The following UQCRC2 variants were observed in gnomAD, a reference collection of about 807,000 sequenced individuals.
UQCRC2 encodes the protein cytochrome b-c1 complex subunit 2, mitochondrial.
A neutral mutation model predicts 55.6 loss-of-function variants in UQCRC2; 49 were observed. The observed-to-expected ratio is 0.88, with a 90% CI of 0.70 to 1.12. The LOEUF (loss-of-function observed/expected upper bound fraction) is 1.12, where lower values mean the gene tolerates loss of function less well. Among genes scored for constraint, UQCRC2 ranks in the 50% most tolerant of loss-of-function variants. The probability of loss-of-function intolerance (pLI) is 0.00; values close to 1 mark genes in which losing one functional copy is unlikely to be tolerated. For missense variants in UQCRC2, 506 were observed against 547.8 expected, an observed-to-expected ratio of 0.92 and a Z score of 0.76; for synonymous variants, 193 against 192.0, an observed-to-expected ratio of 1.01 and a Z score of -0.04.
At chr16:21,971,006 G>A (rs1898446504) in intron 8 of UQCRC2, among the ~76,000 whole-genome samples, 1 of 151,914 alleles carries the variant, frequency 6.6e-6, no homozygotes, top group Non-Finnish European at 1.5e-5. Context: ...TATATTATCT[G>A]CAAATATTTT....
chr16:21,981,518 C>T (rs1898727652), intron 13 of UQCRC2, among the ~76,000 whole-genome samples: 1 of 152,094 alleles, frequency 6.6e-6, no homozygotes, highest in Non-Finnish European at 1.5e-5. Flanking sequence ...CTTTGGAAGG[C>T]TGAGGTGGGC....
intron 1 of UQCRC2, among the ~76,000 whole-genome samples, chr16:21,955,221 A>G (rs765379593): frequency 1.1e-4 from 16 of 152,222 alleles, no homozygotes; most frequent in Non-Finnish European, 1.9e-4. Flanking sequence ...ATAGGCCAAA[A>G]TTACAAAGAA....
chr16:21,960,309 T>G (rs1309873171), intron 4 of UQCRC2, among the ~76,000 whole-genome samples: 4 of 152,258 alleles, frequency 2.6e-5, no homozygotes, highest in Non-Finnish European at 2.9e-5. Flanking sequence ...GAAGATGGCT[T>G]CTTTCCTTAA....
rs201311122 is a variant in UQCRC2, at chr16:21,962,894, A to G, written c.514+9A>G. The G allele has an allele frequency of 8.1e-6, 13 of 1,612,484 alleles. No individual in the cohort carries two copies. In the Admixed American group the frequency reaches 2.0e-4, roughly 25 times the overall value. On this transcript the variant is annotated intron_variant, in intron 6 of 13. Coordinates refer to ENST00000268379, the MANE Select transcript of UQCRC2 (RefSeq NM_003366.4). ...TCAGAATCCGCAGACTCGTAAGTAC[A>G]TTTCCAGATCACATTTGATTCTAAG...
At chr16:21,954,509 A>C (rs572069428) in intron 1 of UQCRC2, among the ~76,000 whole-genome samples, 1 of 152,344 alleles carries the variant, frequency 6.6e-6, no homozygotes, top group East Asian at 1.9e-4. Context: ...TTAGATTGGC[A>C]AAAGACCCCA....
rs74938583 is a variant in UQCRC2, at chr16:21,967,258, G to A, written c.613-1370G>A. Among the ~76,000 whole-genome samples, 17 of 152,180 alleles carry A rather than the reference G, an allele frequency of 1.1e-4. No homozygotes were observed. The East Asian group carries it at 2.7e-3, about 24-fold the overall frequency. On this transcript the variant is annotated intron_variant, in intron 7 of 13. Transcript: ENST00000268379. ...ACAGACACCATTCATTTTAGGGCAC[G>A]GATTATGATAAATTGATTAAAAGTT...
At chr16:21,973,857 TG>T in intron 10 of UQCRC2, 38 bp from the exon 11 acceptor site, 1 of 1,587,002 alleles carries the variant, frequency 6.3e-7, no homozygotes, top group Non-Finnish European at 8.6e-7. Flanking sequence ...CTGTTTTACT[TG>T]GTAGAATATC....
At chr16:21,981,549 T>C (rs936546755) in intron 13 of UQCRC2, among the ~76,000 whole-genome samples, 18 of 150,576 alleles carry the variant, frequency 1.2e-4, no homozygotes, top group African/African-American at 3.4e-4. Flanking sequence ...AGCCCAGGAG[T>C]TCAATACCAG....
At chr16:21,976,701 AAACAAAC>A (rs1898593528) in intron 12 of UQCRC2, 1 of 152,964 alleles carries the variant, frequency 6.5e-6, no homozygotes, top group African/African-American at 2.4e-5. Context: ...TCATCCAGCC[AAACAAAC>A]ATAAGTCAAA....
At chr16:21,953,583 G>A (rs930744677) in intron 1 of UQCRC2, 127 bp downstream of exon 1, 3 of 1,190,856 alleles carry the variant, frequency 2.5e-6, no homozygotes, top group Non-Finnish European at 3.5e-6. Flanking sequence ...TGAACCCTGC[G>A]GGCCAAGTGG....
intron 7 of UQCRC2, among the ~76,000 whole-genome samples, chr16:21,966,598 G>A (rs941408932): frequency 7.9e-5 from 12 of 152,146 alleles, no homozygotes; most frequent in Admixed American, 6.5e-4. Flanking sequence ...AAACTAAACT[G>A]TATCCCTTGC....
intron 4 of UQCRC2, chr16:21,959,755 T>G (rs564014197): frequency 6.6e-6 from 1 of 152,354 alleles, no homozygotes; most frequent in Non-Finnish European, 1.5e-5. Flanking sequence ...ATAATAAGAC[T>G]TGAAAATAAA....
intron 6 of UQCRC2, 82 bp from the exon 7 acceptor site, chr16:21,965,326 A>G: frequency 3.0e-6 from 4 of 1,334,176 alleles, no homozygotes; most frequent in Non-Finnish European, 4.2e-6. Flanking sequence ...AAATTTGTAT[A>G]GGCTTGTTGC....
chr16:21,976,259 A>G lies in UQCRC2; in HGVS notation c.1124+16A>G. On this transcript the variant is annotated intron_variant, in intron 12 of 13. Transcript: ENST00000268379. ...AAGCTGCCAAGTAAGTCTCAGTATT[A>G]ACTGTGTTTTATGTTTTTGTTATTT... 1 of 1,592,698 alleles carries G rather than the reference A, an allele frequency of 6.3e-7. No individual in the cohort carries two copies. Among genetic ancestry groups the G allele is most frequent in the Non-Finnish European group, 8.6e-7 (1 of 1,160,930 alleles).
At position 21,962,959 on chromosome 16, in the gene UQCRC2, A is replaced by C. The variant is rs1421277669; in HGVS notation, c.514+74A>C. 2.2e-5 allele frequency: 33 copies of C among 1,506,572 alleles called. 2 individuals are homozygous for C. In the South Asian group the frequency reaches 3.2e-4, roughly 14 times the overall value. 93.3% of individuals were successfully genotyped at this position (1,506,572 alleles called of 1,614,324 possible). On this transcript the variant is annotated intron_variant, in intron 6 of 13. Transcript: ENST00000268379. ...AGAAGATCAATTTATAGAAGAAAAA[A>C]AATTGCTGTCAAAATTTTTATTTTT...
Position 21,972,021 on chromosome 16 carries a change from C to A in UQCRC2, c.865C>A (p.Leu289Ile). The change falls in exon 10 of 14, where the codon CTT becomes ATT. Residue 289 changes from leucine to isoleucine, a missense_variant. Leu to Ile is a conservative substitution (Grantham distance 5). Transcript: ENST00000268379. ...GSAEANAFSV[L>I]QHVLGAGPHV... ...TGCAGAGGCAAATGCATTTAGTGTT[C>A]TTCAGCATGTCCTCGGTGCTGGGCC... 1 of 1,614,146 alleles carries A rather than the reference C, an allele frequency of 6.2e-7. No individual in the cohort carries two copies. Among genetic ancestry groups the A allele is most frequent in the African/African-American group, 1.3e-5 (1 of 75,026 alleles).
At position 21,980,680 on chromosome 16, in the gene UQCRC2, G is replaced by T. The variant is rs1898702115; in HGVS notation, c.1258G>T (p.Ala420Ser). The change falls in exon 13 of 14, where the codon GCT (alanine) becomes TCT (serine). Residue 420 changes from alanine to serine, a missense_variant. By Grantham distance (99) the Ala-to-Ser change is moderately conservative. Coordinates refer to ENST00000268379, the MANE Select transcript of UQCRC2 (RefSeq NM_003366.4). ...AGTCCTTCAGCAGATTGATTCAGTG[G>T]CTAATGCTGATATCATAAATGTAAG... ...STVLQQIDSV[A>S]NADIINAAKK... The T allele has an allele frequency of 6.2e-7, 1 of 1,613,716 alleles. No individual in the cohort carries two copies. Among genetic ancestry groups the T allele is most frequent in the Non-Finnish European group, 8.5e-7 (1 of 1,179,952 alleles).
intron 7 of UQCRC2, among the ~76,000 whole-genome samples, chr16:21,965,830 T>C (rs1239957555): frequency 2.6e-5 from 4 of 152,076 alleles, no homozygotes; most frequent in Non-Finnish European, 5.9e-5. Flanking sequence ...TCTAAACCGT[T>C]TTCTGTGTGT....
chr16:21,974,119 C>T, intron 11 of UQCRC2, 143 bp downstream of exon 11: 3 of 685,654 alleles, frequency 4.4e-6, no homozygotes, highest in Non-Finnish European at 7.1e-6. Context: ...GTCATTGAAG[C>T]ATTATCTGCT....
Sources: gnomAD v4.1 joint callset for allele counts (sites outside exome capture counted in the v4.1 genomes callset) on GRCh38, gnomAD v4.1.1 for gene constraint, MANE v1.5 for transcripts, NCBI Gene and HGNC (gene_info 2026-07-23, HGNC 2026-07-21) for gene names.